SIPA1L1: variants seen among roughly 807,000 people sequenced by gnomAD.
SIPA1L1 encodes the protein signal-induced proliferation-associated 1-like protein 1.
Under a neutral mutation model 162.7 loss-of-function variants are expected in SIPA1L1, and 26 were observed. That is an observed-to-expected ratio of 0.16 (90% CI 0.12 to 0.22). SIPA1L1 has a LOEUF of 0.22. SIPA1L1 is among the 10% of genes least tolerant of loss of function. SIPA1L1 has a pLI of 1.00. For synonymous variants in SIPA1L1, 829 were observed against 837.4 expected, an observed-to-expected ratio of 0.99 and a Z score of 0.17; for missense variants, 1,874 against 2,241.0, an observed-to-expected ratio of 0.84 and a Z score of 3.31.
chr14:71,699,062 C>T lies in SIPA1L1; in HGVS notation c.3456C>T (p.Asn1152=). 1 of 1,614,196 alleles carries T rather than the reference C, an allele frequency of 6.2e-7. No individual in the cohort carries two copies. Among genetic ancestry groups the T allele is most frequent in the Middle Eastern group, 1.6e-4 (1 of 6,062 alleles). Reference sequence around the variant, plus strand: ...CCCAGTGTCGGAACTCTCCTAGCAACTTGTCTTCATCCAGTGATACTGGTT... The same window carrying T: ...CCCAGTGTCGGAACTCTCCTAGCAATTTGTCTTCATCCAGTGATACTGGTT... ...ARSQCRNSPS[N]LSSSSDTGSV... The change falls in exon 14 of 24, where the codon AAC becomes AAT. Residue 1152 remains asparagine (N), a synonymous_variant. Transcript: ENST00000381232.
At chr14:71,520,511 C>A (rs537543685) in intron 3 of SIPA1L1, among the ~76,000 whole-genome samples, 25 of 152,146 alleles carry the variant, frequency 1.6e-4, no homozygotes, top group African/African-American at 5.8e-4. Flanking sequence ...GTCCCGAGAT[C>A]AAAAAAATGA....
intron 2 of SIPA1L1, among the ~76,000 whole-genome samples, chr14:71,510,701 C>T (rs1286669490): frequency 6.6e-6 from 1 of 152,128 alleles, no homozygotes; most frequent in Non-Finnish European, 1.5e-5. Context: ...GTGTATTTAG[C>T]TCCTCCATCC....
chr14:71,520,229 A>G (rs1449895155), intron 3 of SIPA1L1, among the ~76,000 whole-genome samples: 2 of 152,178 alleles, frequency 1.3e-5, no homozygotes. Context: ...ACAAAGGGGG[A>G]AAGAATAAAT....
chr14:71,673,302 T>G (rs1280635727), intron 12 of SIPA1L1, among the ~76,000 whole-genome samples: 1 of 152,258 alleles, frequency 6.6e-6, no homozygotes, highest in Admixed American at 6.5e-5. Context: ...GGAAGAAATT[T>G]AATCAACTGT....
At chr14:71,653,667 G>A (rs1346593537) in intron 8 of SIPA1L1, among the ~76,000 whole-genome samples, 1 of 152,076 alleles carries the variant, frequency 6.6e-6, no homozygotes. Flanking sequence ...GCAAACAGTT[G>A]TTTCAGCTAT....
At chr14:71,705,588 A>G (rs2082379866) in intron 16 of SIPA1L1, among the ~76,000 whole-genome samples, 1 of 152,056 alleles carries the variant, frequency 6.6e-6, no homozygotes, top group Non-Finnish European at 1.5e-5. Context: ...TTCAGTCACT[A>G]ACAATCCTGA....
intron 7 of SIPA1L1, among the ~76,000 whole-genome samples, chr14:71,647,731 T>A (rs990961451): frequency 3.9e-5 from 6 of 152,154 alleles, no homozygotes; most frequent in African/African-American, 1.2e-4. Context: ...TCTCTCCCTT[T>A]TTATTTGTTG....
chr14:71,353,999 C>T (rs2036972317), intron 2 of SIPA1L1, among the ~76,000 whole-genome samples: 1 of 151,936 alleles, frequency 6.6e-6, no homozygotes, highest in South Asian at 2.1e-4. Flanking sequence ...AAATAAAGAT[C>T]AACCATTGAA....
At chr14:71,326,546 G>A (rs1419535465) in intron 2 of SIPA1L1, among the ~76,000 whole-genome samples, 1 of 151,994 alleles carries the variant, frequency 6.6e-6, no homozygotes, top group African/African-American at 2.4e-5. Context: ...GAACTGCTCA[G>A]AAAGAAGCTA....
intron 2 of SIPA1L1, among the ~76,000 whole-genome samples, chr14:71,383,196 A>G (rs917447829): frequency 2.0e-5 from 3 of 152,238 alleles, no homozygotes; most frequent in Admixed American, 2.0e-4. Context: ...ACAATAACAT[A>G]GTAACCCTAT....
chr14:71,677,263 A>G (rs1373114887), intron 12 of SIPA1L1, among the ~76,000 whole-genome samples: 1 of 152,180 alleles, frequency 6.6e-6, no homozygotes, highest in African/African-American at 2.4e-5. Flanking sequence ...TTGGCTGCAT[A>G]AATGTCTTCT....
At chr14:71,625,164 T>C (rs2039843859) in intron 7 of SIPA1L1, among the ~76,000 whole-genome samples, 1 of 152,212 alleles carries the variant, frequency 6.6e-6, no homozygotes, top group Non-Finnish European at 1.5e-5. Flanking sequence ...TTGGATAGGA[T>C]TTCCTTAATC....
At chr14:71,417,945 A>G (rs575825391) in intron 2 of SIPA1L1, among the ~76,000 whole-genome samples, 1 of 152,268 alleles carries the variant, frequency 6.6e-6, no homozygotes, top group South Asian at 2.1e-4. Flanking sequence ...CGTTTTTATT[A>G]TCCAAAGCCC....
At chr14:71,587,059 A>G (rs955347495) in intron 4 of SIPA1L1, 3 of 152,250 alleles carry the variant, frequency 2.0e-5, no homozygotes, top group Admixed American at 1.3e-4. Flanking sequence ...TAAGGAAACA[A>G]AAAACATGTA....
chr14:71,685,685 A>G, intron 13 of SIPA1L1, 54 bp downstream of exon 13: 1 of 1,593,928 alleles, frequency 6.3e-7, no homozygotes, highest in Non-Finnish European at 8.6e-7. Context: ...AATGTAAGTA[A>G]CACAGACCCA....
At position 71,723,808 on chromosome 14, in the gene SIPA1L1, G is replaced by A; in HGVS notation, c.4370G>A (p.Gly1457Asp). The change falls in exon 18 of 24, where the codon GGC (glycine) becomes GAC (aspartate). Residue 1457 changes from glycine (G) to aspartate (D), a missense_variant. Transcript: ENST00000381232. ...SGPRSFYPRQ[G>D]ATSKYLIGWK... is the part of the protein sequence containing the mutation. ...CCTAGGAGTTTTTACCCTCGCCAGGGCGCTACTAGCAAGTACCTGATTGGA... is the reference window on the plus strand; with the variant it reads ...CCTAGGAGTTTTTACCCTCGCCAGGACGCTACTAGCAAGTACCTGATTGGA... The A allele has an allele frequency of 1.2e-6, 2 of 1,614,164 alleles. No individual in the cohort carries two copies. Among genetic ancestry groups the A allele is most frequent in the Non-Finnish European group, 1.7e-6 (2 of 1,180,028 alleles).
chr14:71,555,385 A>G (rs2056263792), intron 4 of SIPA1L1, among the ~76,000 whole-genome samples: 1 of 152,106 alleles, frequency 6.6e-6, no homozygotes, highest in Non-Finnish European at 1.5e-5. Flanking sequence ...GAGTTTCTTC[A>G]CCTCTCTCAG....
chr14:71,562,057 TTAA>T (rs1056846504), intron 4 of SIPA1L1, among the ~76,000 whole-genome samples: 1 of 152,052 alleles, frequency 6.6e-6, no homozygotes, highest in Non-Finnish European at 1.5e-5. Flanking sequence ...CAAAGATCTA[TTAA>T]TATTTTTTCT....
In SIPA1L1 at chr14:71,588,214, T is replaced by C. The variant is rs764072530; in HGVS notation, c.342T>C (p.Ser114=). ...SCLDSLSSKS[S]PVSQGSSVSL... is the part of the protein sequence containing the mutation. ...TTGATAGCCTGTCCTCCAAAAGCAG[T>C]CCTGTGAGTCAGGGAAGTTCTGTTA... Residue 114 remains serine, a synonymous_variant, in exon 5 of 24, where the codon AGT becomes AGC. Transcript: ENST00000381232. The surrounding 1 kb of genome is among the most constrained non-coding windows in gnomAD (Gnocchi z 4.3). The C allele has an allele frequency of 6.2e-7, 1 of 1,614,096 alleles. No homozygotes were observed. Among genetic ancestry groups the C allele is most frequent in the Non-Finnish European group, 8.5e-7 (1 of 1,180,002 alleles).
Sources: gnomAD v4.1 joint callset for allele counts (sites outside exome capture counted in the v4.1 genomes callset) on GRCh38, gnomAD v4.1.1 for gene constraint, Gnocchi (gnomAD v3.1) non-coding constraint, MANE v1.5 for transcripts, NCBI Gene and HGNC (gene_info 2026-07-23, HGNC 2026-07-21) for gene names.